Variants in DNAJC6 observed in about 807,000 individuals in gnomAD.
DNAJC6 encodes the protein auxilin.
A neutral mutation model predicts 110.0 loss-of-function variants in DNAJC6; 34 were observed. The observed-to-expected ratio is 0.31, with a 90% CI of 0.24 to 0.41. The LOEUF (loss-of-function observed/expected upper bound fraction) is 0.41, where lower values mean the gene tolerates loss of function less well. Ranked by LOEUF, DNAJC6 falls within the 10% of genes least tolerant of loss-of-function variation. The probability of loss-of-function intolerance (pLI) is 1.00; values close to 1 mark genes in which losing one functional copy is unlikely to be tolerated. For synonymous variants in DNAJC6, 406 were observed against 437.2 expected, an observed-to-expected ratio of 0.93 and a Z score of 0.89; for missense variants, 1,031 against 1,207.8, an observed-to-expected ratio of 0.85 and a Z score of 2.17.
chr1:65,323,319 C>T (rs1048329987), intron 1 of DNAJC6, among the ~76,000 whole-genome samples: 2 of 152,182 alleles, frequency 1.3e-5, no homozygotes, highest in African/African-American at 4.8e-5. Context: ...GGGCAGCTTT[C>T]TCCCTTGCTG....
chr1:65,381,066 G>A (rs1270243543), intron 5 of DNAJC6, among the ~76,000 whole-genome samples: 1 of 150,894 alleles, frequency 6.6e-6, no homozygotes, highest in Admixed American at 6.6e-5. Context: ...CTACAGGCAC[G>A]CACCACCACA....
intron 1 of DNAJC6, among the ~76,000 whole-genome samples, chr1:65,351,732 C>T (rs2101520728): frequency 6.6e-6 from 1 of 152,288 alleles, no homozygotes; most frequent in Admixed American, 6.5e-5. Flanking sequence ...AAGAATGAAT[C>T]ATCCATACAT....
intron 11 of DNAJC6, among the ~76,000 whole-genome samples, chr1:65,392,046 G>A (rs1263740838): frequency 2.0e-5 from 3 of 152,166 alleles, no homozygotes; most frequent in African/African-American, 7.2e-5. Context: ...AAAGTGCTGG[G>A]ATTACAGGTG....
At chr1:65,346,387 A>AT (rs5774750) in intron 1 of DNAJC6, among the ~76,000 whole-genome samples, 38 of 151,212 alleles carry the variant, frequency 2.5e-4, no homozygotes, top group Admixed American at 4.6e-4. Flanking sequence ...CTGATAATCC[A>AT]TTTTTTTTTT....
chr1:65,339,781 G>T (rs1224325722), intron 1 of DNAJC6, among the ~76,000 whole-genome samples: 1 of 152,172 alleles, frequency 6.6e-6, no homozygotes, highest in East Asian at 1.9e-4. Context: ...GAAGGCACTT[G>T]CAGGTGGCCA....
At position 65,315,465 on chromosome 1, in the gene DNAJC6, C is replaced by G. The variant is rs542150048; in HGVS notation, c.193+5527C>G. 3.9e-5 allele frequency among the ~76,000 whole-genome samples: 6 copies of G among 152,206 alleles called. No homozygotes were observed. The East Asian group carries it at 7.7e-4, about 20-fold the overall frequency. ...CTTCTACTAAAAGTTTCTGGAAGGA[C>G]TTTCAACGTACAACATGAGTGTGTG... On this transcript the variant is annotated intron_variant, in intron 1 of 18. Transcript: ENST00000371069.
chr1:65,357,593 C>T (rs1422494130), intron 1 of DNAJC6, among the ~76,000 whole-genome samples: 1 of 152,148 alleles, frequency 6.6e-6, no homozygotes, highest in East Asian at 1.9e-4. Context: ...GAGACAGTTA[C>T]CACTGTGATG....
chr1:65,284,918 C>G (rs1466972440), intron 1 of DNAJC6, among the ~76,000 whole-genome samples: 11 of 152,062 alleles, frequency 7.2e-5, no homozygotes, highest in Non-Finnish European at 1.5e-5. Flanking sequence ...GAACTCCTGA[C>G]CTCAGGTGAT....
At chr1:65,312,798 A>G (rs900699912) in intron 1 of DNAJC6, among the ~76,000 whole-genome samples, 12 of 152,252 alleles carry the variant, frequency 7.9e-5, no homozygotes, top group Admixed American at 5.9e-4. Flanking sequence ...TGAAAAACCT[A>G]GTAACCTTTT....
chr1:65,309,692 A>T lies in DNAJC6; in HGVS notation c.-54A>T. The stretch of plus-strand genomic sequence containing the variant: ...CCTTCTTCAGCCCTTTCCACCTTCC[A>T]TCTCCCTTTTCGCTTCCCAGGTTGA... On this transcript the variant is annotated 5_prime_UTR_variant, in exon 1 of 19. Coordinates refer to ENST00000371069, the MANE Select transcript of DNAJC6 (RefSeq NM_001256864.2). 1 of 1,514,930 alleles carries T rather than the reference A, an allele frequency of 6.6e-7. No individual in the cohort carries two copies. The highest frequency in any genetic ancestry group is 8.8e-7 in the Non-Finnish European group (1 of 1,132,608). 93.8% of individuals were successfully genotyped at this position (1,514,930 alleles called of 1,614,324 possible). A position where few individuals can be genotyped will look rare whatever the true frequency, so the allele number is the denominator to read the frequency against.
At chr1:65,365,849 C>T (rs1315658944) in intron 2 of DNAJC6, 36 bp from the exon 3 acceptor site, 1 of 1,603,932 alleles carries the variant, frequency 6.2e-7, no homozygotes, top group African/African-American at 1.3e-5. Flanking sequence ...ATATTTGGAT[C>T]ATTTTAATGA....
intron 1 of DNAJC6, among the ~76,000 whole-genome samples, chr1:65,310,376 G>A (rs1645088288): frequency 1.3e-5 from 2 of 152,190 alleles, no homozygotes; most frequent in Non-Finnish European, 2.9e-5. Context: ...GCATGCAGAC[G>A]GTATTTATTC....
rs564315815 is a variant in DNAJC6, at chr1:65,362,094, G to T, written c.194-2541G>T. Among the ~76,000 whole-genome samples, 13 of 150,144 alleles carry T rather than the reference G, an allele frequency of 8.7e-5. No individual in the cohort carries two copies. In the South Asian group the frequency reaches 2.8e-3, roughly 32 times the overall value. The stretch of plus-strand genomic sequence containing the variant: ...AATACAAGTTTGAAGAAATTAATTG[G>T]AATGACAAATATAAAATTCAGGCTG... On this transcript the variant is annotated intron_variant, in intron 1 of 18. Coordinates refer to ENST00000371069, the MANE Select transcript of DNAJC6 (RefSeq NM_001256864.2).
In DNAJC6 at chr1:65,287,452, G is replaced by A. The variant is rs567572814; in HGVS notation, c.-131+22520G>A. 1.4e-4 allele frequency among the ~76,000 whole-genome samples: 22 copies of A among 152,134 alleles called. No homozygotes were observed. In the South Asian group the frequency reaches 4.2e-3, roughly 29 times the overall value. Reference sequence around the variant, plus strand: ...CTTCCTCAGTACCTCTTGAGTAGTGGTTATTTATTCCTATTACAATGTATT... The same window carrying A: ...CTTCCTCAGTACCTCTTGAGTAGTGATTATTTATTCCTATTACAATGTATT... On this transcript the variant is annotated intron_variant, in intron 1 of 19. Coordinates refer to the DNAJC6 transcript ENST00000263441.
At chr1:65,412,224 A>G (rs751531052) in intron 18 of DNAJC6, among the ~76,000 whole-genome samples, 2 of 152,232 alleles carry the variant, frequency 1.3e-5, no homozygotes, top group Non-Finnish European at 2.9e-5. Context: ...TGAAGTATAT[A>G]TACATCTAAG....
intron 13 of DNAJC6, among the ~76,000 whole-genome samples, chr1:65,398,539 G>A (rs1646000698): frequency 1.3e-5 from 2 of 152,186 alleles, no homozygotes; most frequent in Admixed American, 1.3e-4. Flanking sequence ...CTCAAAGCGT[G>A]TGGATATGGA....
chr1:65,341,268 A>G (rs1220896678), intron 1 of DNAJC6, among the ~76,000 whole-genome samples: 1 of 152,142 alleles, frequency 6.6e-6, no homozygotes, highest in Non-Finnish European at 1.5e-5. Flanking sequence ...TTCTTTGGAA[A>G]CCAAACCCTT....
At chr1:65,365,162 G>T (rs1448011237) in intron 2 of DNAJC6, among the ~76,000 whole-genome samples, 1 of 152,080 alleles carries the variant, frequency 6.6e-6, no homozygotes, top group Non-Finnish European at 1.5e-5. Context: ...GGGATTAAAT[G>T]AGATTAAAAT....
intron 1 of DNAJC6, among the ~76,000 whole-genome samples, chr1:65,293,389 C>A (rs898575226): frequency 6.6e-6 from 1 of 152,080 alleles, no homozygotes; most frequent in African/African-American, 2.4e-5. Flanking sequence ...GGGGGCCCTA[C>A]CCACATAACC....
Sources: allele counts gnomAD v4.1 joint callset (sites outside exome capture counted in the v4.1 genomes callset), GRCh38; gene constraint gnomAD v4.1.1; transcripts MANE v1.5; gene names NCBI Gene and HGNC (gene_info 2026-07-23, HGNC 2026-07-21).